CHST11: variants seen among roughly 807,000 people sequenced by gnomAD.
CHST11 encodes the protein C4S-1.
A neutral mutation model predicts 30.4 loss-of-function variants in CHST11; 9 were observed. That is an observed-to-expected ratio of 0.30 (90% CI 0.18 to 0.52). CHST11 has a LOEUF of 0.52. CHST11 is among the 20% of genes least tolerant of loss of function. The pLI, the probability that CHST11 is intolerant of heterozygous loss-of-function variation, is 0.97. For missense variants in CHST11, 348 were observed against 460.6 expected (o/e 0.76, Z 2.24); for synonymous variants, 152 against 187.8 (o/e 0.81, Z 1.56).
At chr12:104,499,138 G>T (rs1377387453) in intron 1 of CHST11, among the ~76,000 whole-genome samples, 1 of 152,232 alleles carries the variant, frequency 6.6e-6, no homozygotes, top group Non-Finnish European at 1.5e-5. Context: ...GGATCCCAGA[G>T]AATAGAGTAA....
chr12:104,467,200 C>G (rs1382592671), intron 1 of CHST11, among the ~76,000 whole-genome samples: 1 of 152,112 alleles, frequency 6.6e-6, no homozygotes, highest in Non-Finnish European at 1.5e-5. Context: ...TTGAGGATAC[C>G]TGCCTGAGTT....
At chr12:104,712,331 C>A (rs1175294785) in intron 2 of CHST11, among the ~76,000 whole-genome samples, 1 of 152,128 alleles carries the variant, frequency 6.6e-6, no homozygotes, top group African/African-American at 2.4e-5. Context: ...TCCTCATCTT[C>A]TGTAATGAGG....
intron 1 of CHST11, among the ~76,000 whole-genome samples, chr12:104,535,974 T>C (rs974803525): frequency 3.9e-5 from 6 of 152,196 alleles, no homozygotes; most frequent in African/African-American, 1.4e-4. Flanking sequence ...CATCTGTTAG[T>C]TCAGCTGTTT....
At position 104,465,921 on chromosome 12, in the gene CHST11, T is replaced by C. The variant is rs189790387; in HGVS notation, c.118+8392T>C. 4.7e-4 allele frequency among the ~76,000 whole-genome samples: 71 copies of C among 152,138 alleles called. No homozygotes were observed. The East Asian group carries it at 8.3e-3, about 18-fold the overall frequency. ...TCTCACTCTGTCGCCCAGGCTGGAA[T>C]GTAGTGGCACCGTCTGGCTCCTCTG... On this transcript the variant is annotated intron_variant, in intron 1 of 2. Transcript: ENST00000303694.
intron 1 of CHST11, among the ~76,000 whole-genome samples, chr12:104,594,672 T>G (rs1260496632): frequency 6.6e-6 from 1 of 152,108 alleles, no homozygotes; most frequent in African/African-American, 2.4e-5. Context: ...AAAAGGAGAG[T>G]AGGGCTTGAC....
chr12:104,595,237 C>T (rs925147111), intron 1 of CHST11, among the ~76,000 whole-genome samples: 2 of 152,016 alleles, frequency 1.3e-5, no homozygotes, highest in African/African-American at 4.8e-5. Context: ...GAGGGGATGT[C>T]ACTATTTTTG....
intron 2 of CHST11, among the ~76,000 whole-genome samples, chr12:104,725,461 T>C (rs1395076862): frequency 4.6e-5 from 7 of 152,252 alleles, no homozygotes; most frequent in South Asian, 2.1e-4. Flanking sequence ...ATTACACAGT[T>C]CTCAGGTTCC....
intron 1 of CHST11, among the ~76,000 whole-genome samples, chr12:104,570,616 C>G (rs915664210): frequency 1.3e-5 from 2 of 151,900 alleles, no homozygotes; most frequent in African/African-American, 4.8e-5. Context: ...TCAAGCAACT[C>G]GGGAATTTAG....
At position 104,761,201 on chromosome 12, in the gene CHST11, C is replaced by A. The variant is rs1347856501; in HGVS notation, c.*3398C>A. On this transcript the variant is annotated 3_prime_UTR_variant, in exon 3 of 3. Transcript: ENST00000303694. Reference sequence around the variant, plus strand: ...GGGGACGTTCCTCCTCCTCCCTGTGCACCAGGTGGGCTGCACCCTCCTGCC... The same window carrying A: ...GGGGACGTTCCTCCTCCTCCCTGTGAACCAGGTGGGCTGCACCCTCCTGCC... 6.6e-6 allele frequency: 1 copy of A among 152,232 alleles called. No homozygotes were observed. Among genetic ancestry groups the A allele is most frequent in the Non-Finnish European group, 1.5e-5 (1 of 68,088 alleles). 9.4% of individuals were successfully genotyped at this position (152,232 alleles called of 1,614,324 possible). A position where few individuals can be genotyped will look rare whatever the true frequency, so the allele number is the denominator to read the frequency against.
rs549857114 is a variant in CHST11 at position 104,648,470 on chromosome 12, A to G, written c.204+46479A>G. Among the ~76,000 whole-genome samples, 11 of 152,272 alleles carry G rather than the reference A, an allele frequency of 7.2e-5. No homozygotes were observed. In the East Asian group the frequency reaches 2.1e-3, roughly 29 times the overall value. ...GGTAGGTTAGCAAGGTCTGGCAGGAAACAAAAATCAACTCAGAGACTCTCA... is the reference window on the plus strand; with the variant it reads ...GGTAGGTTAGCAAGGTCTGGCAGGAGACAAAAATCAACTCAGAGACTCTCA... On this transcript the variant is annotated intron_variant, in intron 2 of 2. Transcript: ENST00000303694.
chr12:104,605,619 T>A (rs148089360), intron 2 of CHST11, among the ~76,000 whole-genome samples: 27 of 152,296 alleles, frequency 1.8e-4, no homozygotes, highest in African/African-American at 6.3e-4. Context: ...GAGTTGATAT[T>A]CTTAGAAAAA....
intron 2 of CHST11, among the ~76,000 whole-genome samples, chr12:104,664,815 C>G (rs1148407): frequency 0.26 from 39,267 of 152,162 alleles, 5,174 homozygotes; most frequent in South Asian, 0.33. Context: ...TATGAAATTG[C>G]AAGAACTGTT....
At chr12:104,594,221 T>G (rs1324759303) in intron 1 of CHST11, among the ~76,000 whole-genome samples, 1 of 152,136 alleles carries the variant, frequency 6.6e-6, no homozygotes, top group African/African-American at 2.4e-5. Flanking sequence ...TTGGGACCTC[T>G]GGCCATTCTG....
intron 2 of CHST11, among the ~76,000 whole-genome samples, chr12:104,745,345 C>A (rs1037466575): frequency 2.0e-5 from 3 of 152,112 alleles, no homozygotes; most frequent in Non-Finnish European, 4.4e-5. Flanking sequence ...GTTACTATAG[C>A]CCTGTAGAAT....
At chr12:104,479,695 G>C (rs930463687) in intron 1 of CHST11, among the ~76,000 whole-genome samples, 2 of 152,184 alleles carry the variant, frequency 1.3e-5, no homozygotes, top group African/African-American at 4.8e-5. Context: ...TAGTATGCTA[G>C]GAAGTTTTTT....
Position 104,458,167 on chromosome 12 carries a change from C to G in CHST11, c.118+638C>G, listed in dbSNP as rs1205711506. 3.9e-5 allele frequency among the ~76,000 whole-genome samples: 6 copies of G among 152,062 alleles called. No individual in the cohort carries two copies. Among genetic ancestry groups the G allele is most frequent in the Admixed American group, 1.3e-4 (2 of 15,278 alleles). On this transcript the variant is annotated intron_variant, in intron 1 of 2. Transcript: ENST00000303694. The surrounding 1 kb of genome is among the most constrained non-coding windows in gnomAD (Gnocchi z 5.7). ...CGTTGCCCCTCCACCACGCGCCGGC[C>G]GTTTGCCCCCGGGGTCCGGCTCCGC...
intron 1 of CHST11, among the ~76,000 whole-genome samples, chr12:104,492,010 C>T (rs113944120): frequency 0.043 from 6,564 of 152,286 alleles, 460 homozygotes; most frequent in African/African-American, 0.15. Context: ...GTGTGATTTC[C>T]ATCAGTCAGT....
At position 104,676,014 on chromosome 12, in the gene CHST11, G is replaced by C. The variant is rs116212709; in HGVS notation, c.204+74023G>C. ...CACAAGCTACATCCCCGCATGCCTC[G>C]ACTGGTCAACTCCTATAATTCTGTC... On this transcript the variant is annotated intron_variant, in intron 2 of 2. Transcript: ENST00000303694. This position sits in a 1 kb window ranked among gnomAD's most constrained non-coding sequence, Gnocchi z 4.4. 0.023 allele frequency among the ~76,000 whole-genome samples: 3,478 copies of C among 152,212 alleles called. 116 individuals are homozygous for C. Among genetic ancestry groups the C allele is most frequent in the African/African-American group, 0.078 (3,246 of 41,508 alleles).
intron 2 of CHST11, among the ~76,000 whole-genome samples, chr12:104,649,498 G>C (rs772728441): frequency 6.6e-6 from 1 of 152,140 alleles, no homozygotes; most frequent in African/African-American, 2.4e-5. Flanking sequence ...AAAATCTGTA[G>C]TAGAGCTAGG....
Sources: allele counts gnomAD v4.1 joint callset (sites outside exome capture counted in the v4.1 genomes callset), GRCh38; gene constraint gnomAD v4.1.1; non-coding constraint Gnocchi (gnomAD v3.1); transcripts MANE v1.5; gene names NCBI Gene and HGNC (gene_info 2026-07-23, HGNC 2026-07-21).